LYST: variants seen among roughly 807,000 people sequenced by gnomAD.
LYST encodes lysosomal-trafficking regulator.
LYST carries 192 observed loss-of-function variants against 413.6 expected under a neutral mutation model. The observed-to-expected ratio is 0.46, with a 90% CI of 0.41 to 0.52. The LOEUF (loss-of-function observed/expected upper bound fraction) is 0.52. LYST is among the 20% of genes least tolerant of loss of function. LYST has a pLI of 0.00. For synonymous variants in LYST, 1,525 were observed against 1,567.3 expected (o/e 0.97, Z 0.64); for missense variants, 3,815 against 4,499.9 (o/e 0.85, Z 4.35).
chr1:235,808,564 G>C lies in LYST; in HGVS notation c.2254C>G (p.Leu752Val). 1 of 1,613,942 alleles carries C rather than the reference G, an allele frequency of 6.2e-7. No individual in the cohort carries two copies. The highest frequency in any genetic ancestry group is 1.3e-5 in the African/African-American group (1 of 75,016). ...TGACTTTGAGCTGAAGTAACGCTTA[G>C]GTGTTGACAATGATGTGCTAATTCA... Reference protein sequence around the residue: ...GVELAHHCQHLSVTSAQSHVC... With the variant: ...GVELAHHCQHVSVTSAQSHVC... Residue 752 changes from leucine to valine, a missense_variant, in exon 5 of 53, where the codon CTA becomes GTA. Around this residue, in one of 4 missense-constraint regions of LYST, gnomAD observed 1,648 missense variants for 1,810.3 expected, o/e 0.91. Coordinates refer to ENST00000389793, the MANE Select transcript of LYST (RefSeq NM_000081.4).
intron 11 of LYST, among the ~76,000 whole-genome samples, chr1:235,793,099 C>G (rs534729622): frequency 1.5e-4 from 23 of 152,266 alleles, no homozygotes; most frequent in African/African-American, 5.5e-4. Context: ...AGACACTAAG[C>G]CACACCAATG....
chr1:235,781,493 T>A (rs187717790), intron 15 of LYST, among the ~76,000 whole-genome samples: 195 of 152,188 alleles, frequency 1.3e-3, no homozygotes, highest in Middle Eastern at 3.4e-3. Context: ...ACATATTTTT[T>A]AAAAATCATA....
chr1:235,734,862 G>T, intron 31 of LYST: 1 of 431,942 alleles, frequency 2.3e-6, no homozygotes, highest in East Asian at 3.6e-5. Context: ...TGCTAATTTT[G>T]TTAGATGTAA....
At chr1:235,668,686 C>T (rs1035557721) in intron 50 of LYST, among the ~76,000 whole-genome samples, 1 of 152,160 alleles carries the variant, frequency 6.6e-6, no homozygotes, top group East Asian at 1.9e-4. Context: ...CAGGATCAGT[C>T]CTAACTTTCA....
At chr1:235,807,633 TTG>T (rs1241161640) in intron 5 of LYST, among the ~76,000 whole-genome samples, 1 of 152,156 alleles carries the variant, frequency 6.6e-6, no homozygotes, top group Non-Finnish European at 1.5e-5. Context: ...TAGGTTATTT[TTG>T]TATAAGTTTC....
chr1:235,681,917 T>A (rs1472397535), intron 48 of LYST, among the ~76,000 whole-genome samples: 1 of 152,158 alleles, frequency 6.6e-6, no homozygotes, highest in African/African-American at 2.4e-5. Flanking sequence ...GCTGTTCCAA[T>A]GAATCAGCTG....
chr1:235,819,889 G>A (rs184633258), intron 3 of LYST, among the ~76,000 whole-genome samples: 187 of 152,106 alleles, frequency 1.2e-3, no homozygotes, highest in African/African-American at 4.3e-3. Context: ...CTCGTGATCC[G>A]CCAGCCTCAG....
Position 235,742,332 on chromosome 1 carries a change from G to A in LYST, c.8152-704C>T, listed in dbSNP as rs958235369. On this transcript the variant is annotated intron_variant, in intron 30 of 52. Transcript: ENST00000389793. Reference sequence around the variant, plus strand: ...TGGCTGGGTGTGGTGGTGGGTGCCTGTAATCCCAGCTACTTGGGAAGGTGA... The same window carrying A: ...TGGCTGGGTGTGGTGGTGGGTGCCTATAATCCCAGCTACTTGGGAAGGTGA... 3.7e-4 allele frequency among the ~76,000 whole-genome samples: 56 copies of A among 151,980 alleles called. 1 individual carries two copies. The highest frequency in any genetic ancestry group is 6.8e-3 in the Middle Eastern group (2 of 294).
Position 235,734,611 on chromosome 1 carries a change from G to A in LYST, c.8407C>T (p.Gln2803Ter). The change falls in exon 32 of 53, where the codon CAA becomes TAA. Residue 2803 changes from glutamine to a stop codon, truncating the protein, a stop_gained. Transcript: ENST00000389793. LOFTEE classifies it high-confidence loss of function. ...AGCTCTTCTTCAGTCAATTCACCTT[G>A]GTGATTATGTATCAACTCTGACAAA... The part of the protein sequence containing the change: ...LYLSELIHNH[Q>*]GELTEEELGT... 6.2e-7 allele frequency: 1 copy of A among 1,612,674 alleles called. No homozygotes were observed. The highest frequency in any genetic ancestry group is 8.5e-7 in the Non-Finnish European group (1 of 1,179,064).
intron 1 of LYST, among the ~76,000 whole-genome samples, chr1:235,871,955 A>G (rs1331232433): frequency 6.6e-6 from 1 of 152,226 alleles, no homozygotes; most frequent in Non-Finnish European, 1.5e-5. Context: ...AATAAAACAA[A>G]GACAGATTAA....
At chr1:235,763,499 G>A (rs2103377413) in intron 21 of LYST, among the ~76,000 whole-genome samples, 1 of 152,296 alleles carries the variant, frequency 6.6e-6, no homozygotes, top group South Asian at 2.1e-4. Context: ...CGCCCAGGCT[G>A]GAGTATGGTG....
chr1:235,813,065 T>G lies in LYST; in HGVS notation c.193-4A>C. On this transcript the variant is annotated splice_polypyrimidine_tract_variant and splice_region_variant and intron_variant, in intron 3 of 52. Coordinates refer to ENST00000389793, the MANE Select transcript of LYST (RefSeq NM_000081.4). ...GTTCTTCTCTACATGTCAATGCCTA[T>G]GTCAGTAACAAAAGAATCCTTCATG... 1.3e-6 allele frequency: 2 copies of G among 1,527,392 alleles called. No homozygotes were observed. Among genetic ancestry groups the G allele is most frequent in the Middle Eastern group, 1.7e-4 (1 of 5,884 alleles). The allele number at this position is 1,527,392 out of a possible 1,614,324, so 94.6% of individuals were successfully genotyped here. A position where few individuals can be genotyped will look rare whatever the true frequency, so the allele number is the denominator to read the frequency against.
intron 21 of LYST, 132 bp downstream of exon 21, chr1:235,765,947 G>T: frequency 2.6e-6 from 2 of 782,888 alleles, no homozygotes; most frequent in South Asian, 1.4e-5. Context: ...ATAACTCTCT[G>T]CCCTATCCCA....
chr1:235,666,304 C>T (rs904352701), intron 50 of LYST, among the ~76,000 whole-genome samples: 9 of 143,190 alleles, frequency 6.3e-5, no homozygotes, highest in African/African-American at 2.1e-4. Context: ...ATGAAGCATG[C>T]GAAAACATGG....
chr1:235,819,952 T>TA (rs1674572934), intron 3 of LYST, among the ~76,000 whole-genome samples: 1 of 152,224 alleles, frequency 6.6e-6, no homozygotes, highest in Non-Finnish European at 1.5e-5. Flanking sequence ...AGCCAATACT[T>TA]ACATCTTTAT....
At position 235,702,984 on chromosome 1, in the gene LYST, A is replaced by G. The variant is rs1250364650; in HGVS notation, c.10144-7T>C. 1 of 1,579,694 alleles carries G rather than the reference A, an allele frequency of 6.3e-7. No homozygotes were observed. Among genetic ancestry groups the G allele is most frequent in the Admixed American group, 1.7e-5 (1 of 59,980 alleles). On this transcript the variant is annotated splice_polypyrimidine_tract_variant and splice_region_variant and intron_variant, in intron 44 of 52. Transcript: ENST00000389793. The stretch of plus-strand genomic sequence containing the variant: ...CATCCATTCCAAAATATGTCTGCAG[A>G]GTGAAAGAGTAAAGGAACAAGACAT...
chr1:235,733,473 G>T, intron 34 of LYST, 30 bp downstream of exon 34: 2 of 1,590,412 alleles, frequency 1.3e-6, no homozygotes, highest in Admixed American at 1.7e-5. Context: ...CTTCATGGAA[G>T]ACAATTTTAA....
intron 3 of LYST, among the ~76,000 whole-genome samples, chr1:235,825,911 C>T (rs747733863): frequency 1.1e-4 from 17 of 152,124 alleles, no homozygotes; most frequent in Non-Finnish European, 2.4e-4. Flanking sequence ...CAACTTACAA[C>T]ATCTAATTTC....
At chr1:235,669,922 G>A (rs182629505) in intron 50 of LYST, among the ~76,000 whole-genome samples, 312 of 152,222 alleles carry the variant, frequency 2.0e-3, no homozygotes, top group Non-Finnish European at 3.5e-3. Context: ...TGGGGGGTGG[G>A]GATTGACCTA....
Sources: gnomAD v4.1 joint callset for allele counts (sites outside exome capture counted in the v4.1 genomes callset) on GRCh38, gnomAD v4.1.1 for gene constraint, gnomAD v4.1.1 regional missense constraint, MANE v1.5 for transcripts, NCBI Gene and HGNC (gene_info 2026-07-23, HGNC 2026-07-21) for gene names.